The following POU2F2 variants were observed in gnomAD, a reference collection of about 807,000 sequenced individuals.
POU2F2 encodes the protein POU class 2 homeobox 2.
POU2F2 carries 14 observed loss-of-function variants against 63.5 expected under a neutral mutation model. That is an observed-to-expected ratio of 0.22 (90% CI 0.15 to 0.34). The LOEUF (loss-of-function observed/expected upper bound fraction) is 0.34. Among genes scored for constraint, POU2F2 ranks in the 10% least tolerant of loss-of-function variants. The probability of loss-of-function intolerance (pLI) is 1.00; values close to 1 mark genes in which losing one functional copy is unlikely to be tolerated. For synonymous variants in POU2F2, 306 were observed against 348.6 expected, an observed-to-expected ratio of 0.88 and a Z score of 1.36; for missense variants, 607 against 815.2, an observed-to-expected ratio of 0.74 and a Z score of 3.11.
At chr19:42,111,219 G>C (rs964926459) in intron 5 of POU2F2, among the ~76,000 whole-genome samples, 30 of 151,996 alleles carry the variant, frequency 2.0e-4, no homozygotes, top group African/African-American at 7.2e-4. Context: ...CCATGCTCAA[G>C]CGATCCTCCT....
rs550286492 is a variant in POU2F2, at chr19:42,170,412, A to C, written c.-70+5551T>G. Among the ~76,000 whole-genome samples, 333 of 144,794 alleles carry C rather than the reference A, an allele frequency of 2.3e-3. 1 individual carries two copies. Among genetic ancestry groups the C allele is most frequent in the African/African-American group, 8.2e-3 (320 of 38,836 alleles). 95.0% of individuals were successfully genotyped at this position (144,794 alleles called of 152,430 possible). On this transcript the variant is annotated intron_variant, in intron 1 of 6. Transcript: ENST00000524801. ...GACCCATCGCTTCTTCCCCACCCCA[A>C]CCTTCAACCCAACGCCAAAAAAAAA... is the stretch of plus-strand genomic sequence containing the variant.
In POU2F2 at chr19:42,121,952, C is replaced by A. The variant is rs530785511; in HGVS notation, c.186+174G>T. 86 of 678,840 alleles carry A rather than the reference C, an allele frequency of 1.3e-4. 1 individual carries two copies. In the South Asian group the frequency reaches 1.4e-3, roughly 11 times the overall value. 42.1% of individuals were successfully genotyped at this position (678,840 alleles called of 1,614,324 possible). The stretch of plus-strand genomic sequence containing the variant: ...CCACCCCCTAGGGAAGGGGAAGGAG[C>A]CTGCGTGAGTCACAGGCCTGGGGTG... On this transcript the variant is annotated intron_variant, in intron 4 of 14. Coordinates refer to ENST00000692977, the MANE Select transcript of POU2F2 (RefSeq NM_001394376.1).
chr19:42,183,660 A>G (rs565145320), intron 1 of POU2F2, among the ~76,000 whole-genome samples: 2 of 152,324 alleles, frequency 1.3e-5, no homozygotes, highest in Non-Finnish European at 2.9e-5. Context: ...GACTCAAGAT[A>G]GGGCTCTATG....
intron 5 of POU2F2, chr19:42,110,598 C>A: frequency 3.1e-6 from 1 of 321,254 alleles, no homozygotes; most frequent in East Asian, 9.1e-5. Flanking sequence ...GGGCCCCAGC[C>A]TCCTTAACTG....
rs2034461371 is a variant in POU2F2 at position 42,156,635 on chromosome 19, A to C, written c.-9+3697T>G. 1 of 152,346 alleles carries C rather than the reference A, an allele frequency of 6.6e-6. No individual in the cohort carries two copies. The highest frequency in any genetic ancestry group is 1.5e-5 in the Non-Finnish European group (1 of 68,066). The allele number at this position is 152,346 out of a possible 1,614,324, so 9.4% of individuals were successfully genotyped here. A position where few individuals can be genotyped will look rare whatever the true frequency, so the allele number is the denominator to read the frequency against. On this transcript the variant is annotated intron_variant, in intron 2 of 6. Coordinates refer to the POU2F2 transcript ENST00000524801. The surrounding 1 kb of genome is among the most constrained non-coding windows in gnomAD (Gnocchi z 4.1). Reference sequence around the variant, plus strand: ...CACTAGCCAAAGCCCCCAGGGGTGTAATTCAGAAGGAGGCAGACTGGGCCT... The same window carrying C: ...CACTAGCCAAAGCCCCCAGGGGTGTCATTCAGAAGGAGGCAGACTGGGCCT...
At chr19:42,180,426 G>A (rs1406553060), upstream of POU2F2, among the ~76,000 whole-genome samples, 1 of 152,192 alleles carries the variant, frequency 6.6e-6, no homozygotes, top group African/African-American at 2.4e-5. Flanking sequence ...CATTCTGGAA[G>A]GAGCAACAAG....
chr19:42,151,676 G>A (rs971596912), intron 2 of POU2F2, among the ~76,000 whole-genome samples: 3 of 152,174 alleles, frequency 2.0e-5, no homozygotes, highest in Admixed American at 6.5e-5. Flanking sequence ...GGTTCTCAGC[G>A]CTGTCCCAGA....
intron 1 of POU2F2, 68 bp downstream of exon 1, chr19:42,132,316 G>C (rs987378209): frequency 7.9e-6 from 12 of 1,527,520 alleles, no homozygotes; most frequent in Non-Finnish European, 1.1e-5. Context: ...GGGCAGGCAG[G>C]GCCCGCAGAG....
chr19:42,141,850 T>G (rs1474819745), intron 2 of POU2F2, among the ~76,000 whole-genome samples: 2 of 152,140 alleles, frequency 1.3e-5, no homozygotes, highest in Non-Finnish European at 2.9e-5. Context: ...ACTAACTACA[T>G]CAAGATTTGA....
At chr19:42,099,410 A>G in intron 7 of POU2F2, 117 bp downstream of exon 7, 1 of 889,492 alleles carries the variant, frequency 1.1e-6, no homozygotes, top group East Asian at 2.6e-5. Context: ...AATCACTGGC[A>G]GAGTGTGGCT....
upstream of POU2F2, among the ~76,000 whole-genome samples, chr19:42,177,942 C>T (rs375657331): frequency 6.6e-6 from 1 of 150,638 alleles, no homozygotes; most frequent in Non-Finnish European, 1.5e-5. Flanking sequence ...CAAATAGACA[C>T]GGGGACACAC....
chr19:42,136,760 A>C (rs2034021692), upstream of POU2F2: 1 of 152,094 alleles, frequency 6.6e-6, no homozygotes, highest in Non-Finnish European at 1.5e-5. Context: ...ACAGCCAGCC[A>C]CTCCTTGTCC....
chr19:42,122,088 C>T (rs759520596), intron 4 of POU2F2, 38 bp downstream of exon 4: 22 of 1,577,202 alleles, frequency 1.4e-5, no homozygotes, highest in African/African-American at 5.4e-5. Context: ...CTCTTCCAAG[C>T]GCTGCCCACT....
In POU2F2 at chr19:42,095,759, C is replaced by T. The variant is rs1307659420; in HGVS notation, c.871+29G>A. 78 of 1,613,562 alleles carry T rather than the reference C, an allele frequency of 4.8e-5. No individual in the cohort carries two copies. Among genetic ancestry groups the T allele is most frequent in the Non-Finnish European group, 6.4e-5 (76 of 1,179,928 alleles). Reference sequence around the variant, plus strand: ...CGCGGCCAGCGGCCACTGCCCGCCCCCTACGCGGGAACCCCAGCCTGGTCC... The same window carrying T: ...CGCGGCCAGCGGCCACTGCCCGCCCTCTACGCGGGAACCCCAGCCTGGTCC... On this transcript the variant is annotated intron_variant, in intron 9 of 14. Coordinates refer to ENST00000692977, the MANE Select transcript of POU2F2 (RefSeq NM_001394376.1). This position sits in a 1 kb window ranked among gnomAD's most constrained non-coding sequence, Gnocchi z 7.1.
Position 42,122,595 on chromosome 19 carries a change from TG to T in POU2F2, c.29-20del. Reference sequence around the variant, plus strand: ...CTTATTTCTGGGGACAGAGGAGGAATGGAAGTGGGGTGAAGGAGGGGAATCC... The same window carrying T: ...CTTATTTCTGGGGACAGAGGAGGAATGAAGTGGGGTGAAGGAGGGGAATCC... On this transcript the variant is annotated intron_variant, in intron 1 of 14. Coordinates refer to ENST00000692977, the MANE Select transcript of POU2F2 (RefSeq NM_001394376.1). The T allele has an allele frequency of 6.4e-7, 1 of 1,550,586 alleles. No individual in the cohort carries two copies. The highest frequency in any genetic ancestry group is 8.7e-7 in the Non-Finnish European group (1 of 1,144,990).
chr19:42,096,302 A>ATGGG lies in POU2F2; in HGVS notation c.568-63_568-60dup. 8 of 1,450,486 alleles carry ATGGG rather than the reference A, an allele frequency of 5.5e-6. No homozygotes were observed. The highest frequency in any genetic ancestry group is 7.4e-6 in the Non-Finnish European group (8 of 1,087,836). 89.9% of individuals were successfully genotyped at this position (1,450,486 alleles called of 1,614,324 possible). A position where few individuals can be genotyped will look rare whatever the true frequency, so the allele number is the denominator to read the frequency against. On this transcript the variant is annotated intron_variant, in intron 7 of 14. Coordinates refer to ENST00000692977, the MANE Select transcript of POU2F2 (RefSeq NM_001394376.1). The surrounding 1 kb of genome is among the most constrained non-coding windows in gnomAD (Gnocchi z 4.1). ...CGGAGGACCAGGATGGGGCTCAGCG[A>ATGGG]TGGGTGCACAGTCCCCCTCCCGCCC...
At position 42,095,455 on chromosome 19, in the gene POU2F2, T is replaced by C; in HGVS notation, c.1028A>G (p.Lys343Arg). The stretch of plus-strand genomic sequence containing the variant: ...CAGCAGGATCTCCTCTGAGGTAGGC[T>C]TCTGGTTCTGCAGGCAGAGGGCTCG... ...ALEKSFLANQ[K>R]PTSEEILLIA... The change falls in exon 11 of 15, where the codon AAG becomes AGG. Residue 343 changes from lysine to arginine, a missense_variant. Lys to Arg is a conservative substitution (Grantham distance 26, BLOSUM62 2). Coordinates refer to ENST00000692977, the MANE Select transcript of POU2F2 (RefSeq NM_001394376.1). This position sits in a 1 kb window ranked among gnomAD's most constrained non-coding sequence, Gnocchi z 7.1. The C allele has an allele frequency of 6.2e-7, 1 of 1,612,686 alleles. No homozygotes were observed. Among genetic ancestry groups the C allele is most frequent in the Non-Finnish European group, 8.5e-7 (1 of 1,179,796 alleles).
At chr19:42,114,560 C>A (rs1230122640) in intron 5 of POU2F2, among the ~76,000 whole-genome samples, 3 of 152,132 alleles carry the variant, frequency 2.0e-5, no homozygotes, top group Non-Finnish European at 4.4e-5. Context: ...AAATGGAACA[C>A]CTGCTGCTGG....
intron 1 of POU2F2, among the ~76,000 whole-genome samples, chr19:42,190,436 G>C (rs1255163395): frequency 6.6e-6 from 1 of 152,118 alleles, no homozygotes; most frequent in African/African-American, 2.4e-5. Flanking sequence ...GTAAGTGAGA[G>C]AGGGGGCTGG....
Sources: gnomAD v4.1 joint callset for allele counts (sites outside exome capture counted in the v4.1 genomes callset) on GRCh38, gnomAD v4.1.1 for gene constraint, Gnocchi (gnomAD v3.1) non-coding constraint, MANE v1.5 for transcripts, NCBI Gene and HGNC (gene_info 2026-07-23, HGNC 2026-07-21) for gene names.